Variants in APLF observed in about 807,000 individuals in gnomAD.
APLF encodes aprataxin and PNK-like factor.
APLF carries 61 observed loss-of-function variants against 55.6 expected under a neutral mutation model. The ratio of observed to expected loss-of-function variants is 1.10; its 90% CI spans 0.89 to 1.36. APLF has a LOEUF of 1.36. Among genes scored for constraint, APLF ranks in the 40% most tolerant of loss-of-function variants. The pLI is 0.00. For synonymous variants in APLF, 207 were observed against 214.8 expected, an observed-to-expected ratio of 0.96 and a Z score of 0.32; for missense variants, 611 against 602.5, an observed-to-expected ratio of 1.01 and a Z score of -0.15.
At chr2:68,525,144 T>C (rs1669999460) in intron 5 of APLF, among the ~76,000 whole-genome samples, 1 of 151,862 alleles carries the variant, frequency 6.6e-6, no homozygotes, top group African/African-American at 2.4e-5. Context: ...AAATACAAAA[T>C]TTAACCAGGC....
At chr2:68,534,452 T>C (rs1670335749) in intron 6 of APLF, among the ~76,000 whole-genome samples, 1 of 152,210 alleles carries the variant, frequency 6.6e-6, no homozygotes, top group African/African-American at 2.4e-5. Flanking sequence ...ATTTAAATTG[T>C]TCTAGGTGGA....
intron 8 of APLF, 28 bp downstream of exon 8, chr2:68,545,340 T>C (rs370029767): frequency 9.2e-5 from 147 of 1,592,734 alleles, no homozygotes; most frequent in Non-Finnish European, 1.2e-4. Context: ...TTGGCTGCAC[T>C]CCTTTTCTTT....
At chr2:68,535,859 G>A (rs1047334708) in intron 6 of APLF, among the ~76,000 whole-genome samples, 1 of 152,110 alleles carries the variant, frequency 6.6e-6, no homozygotes, top group African/African-American at 2.4e-5. Flanking sequence ...GAAGTGCAGT[G>A]TTTATGGGGG....
chr2:68,530,600 A>G (rs532033647), intron 6 of APLF, among the ~76,000 whole-genome samples: 1 of 152,370 alleles, frequency 6.6e-6, no homozygotes, highest in Admixed American at 6.5e-5. Context: ...TCTAGAAAGC[A>G]AATACATTAT....
intron 3 of APLF, 23 bp from the exon 4 acceptor site, chr2:68,513,057 C>G (rs776920088): frequency 6.4e-7 from 1 of 1,574,784 alleles, no homozygotes; most frequent in Non-Finnish European, 8.6e-7. Context: ...AAATTAAAGA[C>G]CAGTTTCTAT....
At chr2:68,481,172 T>C (rs1675939191) in intron 1 of APLF, among the ~76,000 whole-genome samples, 1 of 152,188 alleles carries the variant, frequency 6.6e-6, no homozygotes, top group Non-Finnish European at 1.5e-5. Context: ...TTTTTTGGAA[T>C]AGGTTGAGAA....
At position 68,484,486 on chromosome 2, in the gene APLF, C is replaced by T. The variant is rs528939639; in HGVS notation, c.97-5704C>T. ...GGTGGATCATTCAAGGTCAGGAATT[C>T]GAGACCAGCCTGACCAACATGTTGA... is the stretch of plus-strand genomic sequence containing the variant. On this transcript the variant is annotated intron_variant, in intron 1 of 9. Transcript: ENST00000303795. Among the ~76,000 whole-genome samples the T allele has an allele frequency of 2.6e-5, 4 of 151,674 alleles. No homozygotes were observed. The South Asian group carries it at 8.4e-4, about 32-fold the overall frequency.
intron 2 of APLF, among the ~76,000 whole-genome samples, chr2:68,492,796 A>T (rs1346069222): frequency 6.6e-6 from 1 of 152,230 alleles, no homozygotes; most frequent in Non-Finnish European, 1.5e-5. Flanking sequence ...TGACCACTAG[A>T]TATAAAACTA....
At chr2:68,499,146 A>G (rs1676645161) in intron 2 of APLF, among the ~76,000 whole-genome samples, 1 of 152,136 alleles carries the variant, frequency 6.6e-6, no homozygotes, top group Non-Finnish European at 1.5e-5. Flanking sequence ...ATTGATTTGT[A>G]TTTTAGTTTC....
chr2:68,565,514 G>GATAGATACATACATAC (rs60590885), intron 8 of APLF, among the ~76,000 whole-genome samples: 35 of 148,922 alleles, frequency 2.4e-4, no homozygotes, highest in African/African-American at 8.0e-4. Context: ...TAGACAGATA[G>GATAGATACATACATAC]ATACATACAT....
intron 7 of APLF, among the ~76,000 whole-genome samples, chr2:68,538,759 A>T (rs1247313925): frequency 7.0e-6 from 1 of 143,768 alleles, no homozygotes; most frequent in Non-Finnish European, 1.6e-5. Context: ...TCTTATTTTG[A>T]GAATTCAAAT....
intron 3 of APLF, among the ~76,000 whole-genome samples, chr2:68,503,402 A>C (rs1181451104): frequency 1.3e-5 from 2 of 152,128 alleles, no homozygotes; most frequent in African/African-American, 4.8e-5. Flanking sequence ...GTTAAAATTC[A>C]TACACTAGTT....
At chr2:68,505,619 G>A (rs1053741480) in intron 3 of APLF, among the ~76,000 whole-genome samples, 3 of 151,852 alleles carry the variant, frequency 2.0e-5, no homozygotes, top group South Asian at 2.1e-4. Context: ...ACTAGATTAC[G>A]GATTTATTAC....
chr2:68,556,605 C>T (rs558998949), intron 8 of APLF, among the ~76,000 whole-genome samples: 20 of 152,272 alleles, frequency 1.3e-4, no homozygotes, highest in South Asian at 6.2e-4. Context: ...GAATTAAGCA[C>T]TTATCTTAGA....
At chr2:68,513,055 G>T (rs1669447518) in intron 3 of APLF, 25 bp from the exon 4 acceptor site, 2 of 1,573,956 alleles carry the variant, frequency 1.3e-6, no homozygotes, top group African/African-American at 1.4e-5. Flanking sequence ...TAAAATTAAA[G>T]ACCAGTTTCT....
chr2:68,490,874 G>A (rs1177936728), intron 2 of APLF, among the ~76,000 whole-genome samples: 8 of 152,088 alleles, frequency 5.3e-5, no homozygotes, highest in African/African-American at 1.4e-4. Context: ...AATGAAATAC[G>A]TACATAAGGG....
chr2:68,502,906 A>G lies in APLF; in HGVS notation c.341+3A>G. On this transcript the variant is annotated splice_donor_region_variant and intron_variant, in intron 3 of 9. Coordinates refer to ENST00000303795, the MANE Select transcript of APLF (RefSeq NM_173545.3). ...GTGGAAATGCAATGTACCTTAAGGT[A>G]AGTGCCTGATGAAATGAGAGTAAGA... 2 of 1,597,528 alleles carry G rather than the reference A, an allele frequency of 1.3e-6. No individual in the cohort carries two copies. Among genetic ancestry groups the G allele is most frequent in the South Asian group, 2.3e-5 (2 of 87,556 alleles).
intron 6 of APLF, among the ~76,000 whole-genome samples, chr2:68,533,613 A>T (rs973945778): frequency 6.6e-6 from 1 of 152,250 alleles, no homozygotes; most frequent in East Asian, 1.9e-4. Flanking sequence ...ACTCAGCTGA[A>T]GATGAAGCAT....
chr2:68,556,402 C>A (rs1558552601), intron 8 of APLF, among the ~76,000 whole-genome samples: 1 of 152,134 alleles, frequency 6.6e-6, no homozygotes, highest in Non-Finnish European at 1.5e-5. Context: ...CTAATTTATT[C>A]TTTTTGTGCT....
Sources: allele counts gnomAD v4.1 joint callset (sites outside exome capture counted in the v4.1 genomes callset), GRCh38; gene constraint gnomAD v4.1.1; transcripts MANE v1.5; gene names NCBI Gene and HGNC (gene_info 2026-07-23, HGNC 2026-07-21).